The following MTA3 variants were observed in gnomAD, a reference collection of about 807,000 sequenced individuals.
MTA3 encodes the protein metastasis associated 1 family member 3.
Under a neutral mutation model 83.5 loss-of-function variants are expected in MTA3, and 34 were observed. The ratio of observed to expected loss-of-function variants is 0.41; its 90% CI spans 0.31 to 0.54. MTA3 has a LOEUF of 0.54. MTA3 is among the 20% of genes least tolerant of loss of function. The pLI is 0.33. For missense variants in MTA3, 761 were observed against 726.4 expected (o/e 1.05, Z -0.55); for synonymous variants, 303 against 252.7 (o/e 1.20, Z -1.89).
intron 8 of MTA3, among the ~76,000 whole-genome samples, chr2:42,673,944 A>G (rs536316246): frequency 5.3e-5 from 8 of 152,370 alleles, no homozygotes; most frequent in East Asian, 1.9e-4. Flanking sequence ...AAACACATCT[A>G]TTACACTGCC....
chr2:42,507,787 C>T (rs994645403), intron 2 of MTA3, among the ~76,000 whole-genome samples: 5 of 151,602 alleles, frequency 3.3e-5, no homozygotes, highest in Admixed American at 2.0e-4. Flanking sequence ...AAAAATTAGC[C>T]AAGCACGGGG....
At chr2:42,659,598 A>T in intron 7 of MTA3, 165 bp from the exon 8 acceptor site, 1 of 387,014 alleles carries the variant, frequency 2.6e-6, no homozygotes, top group Middle Eastern at 7.8e-4. Context: ...TATCTTATAG[A>T]GTGAAAATTC....
At chr2:42,575,276 C>G (rs574031815) in intron 2 of MTA3, among the ~76,000 whole-genome samples, 3 of 152,284 alleles carry the variant, frequency 2.0e-5, no homozygotes, top group South Asian at 2.1e-4. Flanking sequence ...AATATACTTA[C>G]TGTGTTTATT....
At chr2:42,506,644 T>G (rs1674643620) in intron 2 of MTA3, among the ~76,000 whole-genome samples, 1 of 147,420 alleles carries the variant, frequency 6.8e-6, no homozygotes, top group Non-Finnish European at 1.5e-5. Context: ...TATTTATTTA[T>G]TTATTATTCT....
intron 4 of MTA3, among the ~76,000 whole-genome samples, chr2:42,636,214 TG>T (rs1270270836): frequency 1.3e-5 from 2 of 152,134 alleles, no homozygotes; most frequent in African/African-American, 4.8e-5. Flanking sequence ...CTTTTCTAAG[TG>T]GGTAGTCCCC....
intron 14 of MTA3, among the ~76,000 whole-genome samples, chr2:42,715,254 C>G (rs1005292154): frequency 6.6e-6 from 1 of 152,148 alleles, no homozygotes; most frequent in Non-Finnish European, 1.5e-5. Context: ...GTGGGCCAGA[C>G]AATCCCACCT....
intron 8 of MTA3, among the ~76,000 whole-genome samples, chr2:42,676,731 A>G (rs139900419): frequency 1.4e-3 from 215 of 152,316 alleles, no homozygotes; most frequent in Admixed American, 2.7e-3. Flanking sequence ...ATGCCACTGC[A>G]CTCCAACCTG....
intron 8 of MTA3, 150 bp downstream of exon 8, chr2:42,660,012 G>T: frequency 2.2e-6 from 1 of 448,316 alleles, no homozygotes. Flanking sequence ...TTGGTTGACT[G>T]GGTTATGATA....
intron 11 of MTA3, among the ~76,000 whole-genome samples, chr2:42,699,870 T>C (rs1693711444): frequency 6.6e-6 from 1 of 152,164 alleles, no homozygotes; most frequent in South Asian, 2.1e-4. Context: ...ACAATAATTA[T>C]ATTTGAAGCC....
intron 16 of MTA3, among the ~76,000 whole-genome samples, chr2:42,745,767 A>AT (rs1200039510): frequency 6.9e-6 from 1 of 144,508 alleles, no homozygotes; most frequent in African/African-American, 2.6e-5. Flanking sequence ...ATATTAAAAA[A>AT]TTCTGTTATT....
intron 2 of MTA3, among the ~76,000 whole-genome samples, chr2:42,513,008 A>G (rs186338315): frequency 1.3e-5 from 2 of 152,294 alleles, no homozygotes; most frequent in Admixed American, 6.5e-5. Context: ...GTGAAAATGC[A>G]AGGTCTACAG....
chr2:42,709,150 C>G (rs1000903821), intron 14 of MTA3, 54 bp downstream of exon 14: 5 of 1,511,250 alleles, frequency 3.3e-6, no homozygotes, highest in African/African-American at 2.8e-5. Flanking sequence ...ACCATTTTCT[C>G]TTTTCCTCTC....
chr2:42,505,218 C>G lies in MTA3; in HGVS notation c.-141+9964C>G, dbSNP rs558321683. 5.9e-5 allele frequency among the ~76,000 whole-genome samples: 9 copies of G among 152,128 alleles called. No individual in the cohort carries two copies. The East Asian group carries it at 1.7e-3, about 29-fold the overall frequency. ...GCATCCTGGCTAACACAGTGAAACT[C>G]TATCTCTACTAAAAATACAAAAAAT... On this transcript the variant is annotated intron_variant, in intron 2 of 17. Coordinates refer to the MTA3 transcript ENST00000405592.
At chr2:42,710,569 A>T (rs890796569) in intron 14 of MTA3, among the ~76,000 whole-genome samples, 2 of 151,160 alleles carry the variant, frequency 1.3e-5, no homozygotes, top group Non-Finnish European at 3.0e-5. Flanking sequence ...AAAAAAAAAA[A>T]AAAAAGAAAG....
At chr2:42,679,632 T>G (rs1691688533) in intron 8 of MTA3, among the ~76,000 whole-genome samples, 1 of 152,230 alleles carries the variant, frequency 6.6e-6, no homozygotes, top group Non-Finnish European at 1.5e-5. Context: ...CAGAAGCATC[T>G]TGTGTCACAC....
intron 2 of MTA3, among the ~76,000 whole-genome samples, chr2:42,555,026 A>C (rs1402903310): frequency 6.6e-6 from 1 of 151,954 alleles, no homozygotes; most frequent in Non-Finnish European, 1.5e-5. Flanking sequence ...GGTGGCAGGC[A>C]CCTGTAATCC....
chr2:42,727,084 T>C (rs1408301170), intron 16 of MTA3, among the ~76,000 whole-genome samples: 1 of 152,162 alleles, frequency 6.6e-6, no homozygotes, highest in Non-Finnish European at 1.5e-5. Context: ...CAGTTCTAGC[T>C]ACTTGGCGGG....
intron 2 of MTA3, among the ~76,000 whole-genome samples, chr2:42,500,262 G>T (rs939476017): frequency 2.0e-5 from 3 of 152,146 alleles, no homozygotes; most frequent in Non-Finnish European, 4.4e-5. Context: ...AGCTGGACGT[G>T]GTGGTGGGCG....
chr2:42,748,571 C>T (rs186756815), intron 16 of MTA3, among the ~76,000 whole-genome samples: 27 of 152,076 alleles, frequency 1.8e-4, no homozygotes, highest in South Asian at 1.3e-3. Context: ...CTAAAATTGC[C>T]CACCTTGTCA....
Sources: allele counts gnomAD v4.1 joint callset (sites outside exome capture counted in the v4.1 genomes callset), GRCh38; gene constraint gnomAD v4.1.1; transcripts MANE v1.5; gene names NCBI Gene and HGNC (gene_info 2026-07-23, HGNC 2026-07-21).